Variants in PLEKHH2 observed in about 807,000 individuals in gnomAD.
PLEKHH2 encodes pleckstrin homology, MyTH4 and FERM domain containing H2.
A neutral mutation model predicts 187.9 loss-of-function variants in PLEKHH2; 129 were observed. The observed-to-expected ratio is 0.69, with a 90% CI of 0.59 to 0.79. PLEKHH2 has a LOEUF of 0.79. PLEKHH2 is among the 30% of genes least tolerant of loss of function. PLEKHH2 has a pLI of 0.00. For synonymous variants in PLEKHH2, 686 were observed against 605.6 expected, an observed-to-expected ratio of 1.13 and a Z score of -1.95; for missense variants, 2,076 against 1,751.2, an observed-to-expected ratio of 1.19 and a Z score of -3.31.
At chr2:43,764,400 T>G (rs776142180) in intron 29 of PLEKHH2, 35 bp downstream of exon 29, 2 of 1,601,710 alleles carry the variant, frequency 1.2e-6, no homozygotes, top group African/African-American at 2.7e-5. Context: ...TTTTTTGTCC[T>G]AGTTGTTTTC....
Position 43,675,905 on chromosome 2 carries a change from G to A in PLEKHH2, c.124-2958G>A. 13 of 1,614,112 alleles carry A rather than the reference G, an allele frequency of 8.1e-6. No homozygotes were observed. The highest frequency in any genetic ancestry group is 1.0e-5 in the Non-Finnish European group (12 of 1,179,958). ...ACAGCAAACGTAGTGGGAAGTGCAA[G>A]GAAGAACCAGTTGTAGTTGTCACCA... On this transcript the variant is annotated intron_variant, in intron 2 of 29. Transcript: ENST00000282406.
At chr2:43,725,878 A>G (rs964243124) in intron 16 of PLEKHH2, among the ~76,000 whole-genome samples, 1 of 152,136 alleles carries the variant, frequency 6.6e-6, no homozygotes, top group Non-Finnish European at 1.5e-5. Context: ...TGGGAGGCTG[A>G]GGCAGGAGGA....
chr2:43,746,693 C>A (rs917549315), intron 24 of PLEKHH2, among the ~76,000 whole-genome samples: 3 of 152,154 alleles, frequency 2.0e-5, no homozygotes, highest in African/African-American at 7.2e-5. Flanking sequence ...TACCCTACTA[C>A]AGATCTGTAG....
intron 15 of PLEKHH2, among the ~76,000 whole-genome samples, chr2:43,713,096 A>G (rs1273890554): frequency 1.3e-5 from 2 of 148,750 alleles, no homozygotes; most frequent in Non-Finnish European, 3.0e-5. Context: ...TCAATATCAA[A>G]TCAACACACA....
In PLEKHH2 at chr2:43,724,721, T is replaced by G. The variant is rs1395606236; in HGVS notation, c.2542-1551T>G. Among the ~76,000 whole-genome samples, 3 of 152,212 alleles carry G rather than the reference T, an allele frequency of 2.0e-5. No individual in the cohort carries two copies. The East Asian group carries it at 5.8e-4, about 29-fold the overall frequency. The stretch of plus-strand genomic sequence containing the variant: ...GTTATTTTTTCTAGGAACAATATTT[T>G]TCTTTTCAATAAGCAGTTTTGAGAC... On this transcript the variant is annotated intron_variant, in intron 16 of 29. Coordinates refer to ENST00000282406, the MANE Select transcript of PLEKHH2 (RefSeq NM_172069.4).
chr2:43,741,839 T>G (rs182870177), intron 21 of PLEKHH2, among the ~76,000 whole-genome samples: 1 of 152,318 alleles, frequency 6.6e-6, no homozygotes, highest in African/African-American at 2.4e-5. Context: ...TCAATCTGCT[T>G]GAATAAGCAG....
chr2:43,738,290 A>T (rs752531082), intron 19 of PLEKHH2, 51 bp from the exon 20 acceptor site: 1 of 1,431,378 alleles, frequency 7.0e-7, no homozygotes, highest in Non-Finnish European at 9.6e-7. Context: ...TTCATGCAGA[A>T]TAAATCTAAT....
At position 43,700,449 on chromosome 2, in the gene PLEKHH2, A is replaced by G. The variant is rs751756291; in HGVS notation, c.1491A>G (p.Thr497=). The change falls in exon 8 of 30, where the codon ACA becomes ACG. Residue 497 remains threonine, a synonymous_variant. Coordinates refer to ENST00000282406, the MANE Select transcript of PLEKHH2 (RefSeq NM_172069.4). Reference sequence around the variant, plus strand: ...TTGATCTAGTTGATGGAGACAGTACAGAAGTTTTAGAGAATATGGACACGA... The same window carrying G: ...TTGATCTAGTTGATGGAGACAGTACGGAAGTTTTAGAGAATATGGACACGA... The part of the protein sequence containing the change: ...TDLDLVDGDS[T]EVLENMDTSC... 21 of 1,614,106 alleles carry G rather than the reference A, an allele frequency of 1.3e-5. No individual in the cohort carries two copies. The highest frequency in any genetic ancestry group is 1.8e-5 in the Non-Finnish European group (21 of 1,180,004).
At chr2:43,750,944 A>G (rs1671984268) in intron 24 of PLEKHH2, among the ~76,000 whole-genome samples, 1 of 152,210 alleles carries the variant, frequency 6.6e-6, no homozygotes, top group Admixed American at 6.5e-5. Flanking sequence ...TGTAACAGGA[A>G]GAATGTAGCA....
At chr2:43,702,514 AC>A (rs1382404830) in intron 8 of PLEKHH2, among the ~76,000 whole-genome samples, 1 of 120,378 alleles carries the variant, frequency 8.3e-6, no homozygotes, top group Non-Finnish European at 1.7e-5. Flanking sequence ...TTATTTGGCA[AC>A]CCATTCTACT....
rs112731504 is a variant in PLEKHH2 at position 43,705,500 on chromosome 2, C to G, written c.1727-822C>G. 9.4e-4 allele frequency among the ~76,000 whole-genome samples: 143 copies of G among 152,174 alleles called. No homozygotes were observed. The Middle Eastern group carries it at 0.01, about 11-fold the overall frequency. On this transcript the variant is annotated intron_variant, in intron 9 of 29. Transcript: ENST00000282406. ...CTCAAACTCCTGGCCTTAAGCAATC[C>G]TCCTGCCTCAGCTTCTCAAGGTGCT...
intron 2 of PLEKHH2, among the ~76,000 whole-genome samples, chr2:43,647,590 C>G (rs1044382002): frequency 2.6e-5 from 4 of 152,056 alleles, no homozygotes; most frequent in African/African-American, 9.7e-5. Context: ...TAACGATTTA[C>G]CTAACATTAT....
At chr2:43,681,054 T>C in intron 3 of PLEKHH2, 1 of 1,289,752 alleles carries the variant, frequency 7.8e-7, no homozygotes, top group Non-Finnish European at 1.1e-6. Context: ...TCCTGTACCA[T>C]TATGATTCCA....
At position 43,753,624 on chromosome 2, in the gene PLEKHH2, A is replaced by G. The variant is rs1040777863; in HGVS notation, c.3659A>G (p.Tyr1220Cys). 7 of 1,474,568 alleles carry G rather than the reference A, an allele frequency of 4.7e-6. No homozygotes were observed. The highest frequency in any genetic ancestry group is 1.5e-5 in the African/African-American group (1 of 68,884). The allele number at this position is 1,474,568 out of a possible 1,614,324, so 91.3% of individuals were successfully genotyped here. Residue 1220 changes from tyrosine to cysteine, a missense_variant, in exon 25 of 30, where the codon TAT (tyrosine) becomes TGT (cysteine). Physicochemically the swap from Tyr to Cys is radical, Grantham distance 194 (BLOSUM62 -2). Coordinates refer to ENST00000282406, the MANE Select transcript of PLEKHH2 (RefSeq NM_172069.4). Reference sequence around the variant, plus strand: ...TTTACTCTTTTTTTTTACAGACTATATTTCTCAGTGCAAGCTCGTGGAGAG... The same window carrying G: ...TTTACTCTTTTTTTTTACAGACTATGTTTCTCAGTGCAAGCTCGTGGAGAG... The part of the protein sequence containing the change: ...TVRLTYKNRL[Y>C]FSVQARGETD...
At chr2:43,740,837 C>G in intron 20 of PLEKHH2, 109 bp from the exon 21 acceptor site, 1 of 1,455,396 alleles carries the variant, frequency 6.9e-7, no homozygotes, top group Non-Finnish European at 9.1e-7. Flanking sequence ...GTGAAAGAAG[C>G]AAAACGTTTT....
At chr2:43,686,862 C>G (rs928489104) in intron 3 of PLEKHH2, among the ~76,000 whole-genome samples, 7 of 152,108 alleles carry the variant, frequency 4.6e-5, no homozygotes, top group Admixed American at 2.6e-4. Context: ...AAACATATGG[C>G]CTTCCCTTTC....
intron 23 of PLEKHH2, 157 bp downstream of exon 23, chr2:43,744,146 G>C: frequency 7.2e-7 from 1 of 1,383,080 alleles, no homozygotes; most frequent in Non-Finnish European, 9.4e-7. Flanking sequence ...GCAGGACTTT[G>C]TTAAACCCAT....
intron 8 of PLEKHH2, among the ~76,000 whole-genome samples, chr2:43,701,837 A>G (rs1275779065): frequency 6.9e-6 from 1 of 145,526 alleles, no homozygotes; most frequent in Non-Finnish European, 1.5e-5. Context: ...GCGCCATCTC[A>G]GCTCACTGCA....
Position 43,699,350 on chromosome 2 carries a change from G to A in PLEKHH2, c.689-297G>A, listed in dbSNP as rs549092191. ...AGACATAAGACTAACACAGGATAATGTAAATTATTTGTATGAAATTTTTGG... is the reference window on the plus strand; with the variant it reads ...AGACATAAGACTAACACAGGATAATATAAATTATTTGTATGAAATTTTTGG... On this transcript the variant is annotated intron_variant, in intron 7 of 29. Transcript: ENST00000282406. Among the ~76,000 whole-genome samples the A allele has an allele frequency of 3.3e-5, 5 of 152,232 alleles. No individual in the cohort carries two copies. The East Asian group carries it at 9.7e-4, about 29-fold the overall frequency.
Sources: allele counts gnomAD v4.1 joint callset (sites outside exome capture counted in the v4.1 genomes callset), GRCh38; gene constraint gnomAD v4.1.1; transcripts MANE v1.5; gene names NCBI Gene and HGNC (gene_info 2026-07-23, HGNC 2026-07-21).